UGT1A5: variants seen among roughly 807,000 people sequenced by gnomAD.
UGT1A5 encodes the protein UDP glucuronosyltransferase family 1 member A5.
In UGT1A5, 29 loss-of-function variants were observed where a neutral mutation model predicts 40.3. The ratio of observed to expected loss-of-function variants is 0.72; its 90% confidence interval spans 0.54 to 0.98. UGT1A5 has a LOEUF of 0.98. UGT1A5 is among the 50% of genes least tolerant of loss of function. UGT1A5 has a pLI of 0.00. For missense variants in UGT1A5, 678 were observed against 677.9 expected (o/e 1.00, Z 0.00); for synonymous variants, 257 against 262.5 (o/e 0.98, Z 0.20).
Position 233,713,160 on chromosome 2 carries a change from C to T in UGT1A5, c.169C>T (p.Gln57Ter), listed in dbSNP as rs2076285885. ...ALRDLHARGH[Q>*]VVVLTLEVNM... is the part of the protein sequence containing the mutation. Reference sequence around the variant, plus strand: ...GCGGGACCTCCATGCGAGAGGCCACCAGGTGGTGGTCCTCACCCTGGAGGT... The same window carrying T: ...GCGGGACCTCCATGCGAGAGGCCACTAGGTGGTGGTCCTCACCCTGGAGGT... Residue 57 changes from glutamine to a stop codon, truncating the protein, a stop_gained, in exon 1 of 5, where the codon CAG (glutamine) becomes TAG (stop). Coordinates refer to ENST00000373414, the MANE Select transcript of UGT1A5 (RefSeq NM_019078.2). LOFTEE classifies it high-confidence loss of function. 1 of 1,614,074 alleles carries T rather than the reference C, an allele frequency of 6.2e-7. No individual in the cohort carries two copies.
chr2:233,772,756 T>A lies in UGT1A5; in HGVS notation c.*197T>A. On this transcript the variant is annotated 3_prime_UTR_variant, in exon 5 of 5. Transcript: ENST00000373414. The stretch of plus-strand genomic sequence containing the variant: ...TAGTCAGTAAAGATATTTGAATATG[T>A]ATCGTGCCCCCTCTGGTGTCTTTGA... The A allele has an allele frequency of 1.4e-6, 2 of 1,401,856 alleles. No homozygotes were observed. Among genetic ancestry groups the A allele is most frequent in the Non-Finnish European group, 1.9e-6 (2 of 1,069,170 alleles). 86.8% of individuals were successfully genotyped at this position (1,401,856 alleles called of 1,614,324 possible). A position where few individuals can be genotyped will look rare whatever the true frequency, so the allele number is the denominator to read the frequency against.
In UGT1A5 at chr2:233,713,686, C is replaced by T. The variant is rs779646185; in HGVS notation, c.695C>T (p.Ala232Val). ...TGCCATGCTGTTTCTGCTCCTTATG[C>T]AAGCCTTGCCTCTGAGCTTTTTCAG... ...YLCHAVSAPY[A>V]SLASELFQRE... Residue 232 changes from alanine to valine, a missense_variant, in exon 1 of 5, where the codon GCA (alanine) becomes GTA (valine). By Grantham distance (64) the Ala-to-Val change is moderately conservative. Transcript: ENST00000373414. The T allele has an allele frequency of 1.2e-6, 2 of 1,611,180 alleles. No homozygotes were observed. Among genetic ancestry groups the T allele is most frequent in the South Asian group, 1.1e-5 (1 of 89,040 alleles).
In UGT1A5 at chr2:233,767,104, C is replaced by T. The variant is rs1699318263; in HGVS notation, c.938C>T (p.Ser313Leu). The part of the protein sequence containing the change: ...IVVFSLGSMV[S>L]EIPEKKAMAI... ...GTTTTCTCTTTGGGATCAATGGTCT[C>T]AGAAATTCCAGAGAAGAAAGCTATG... The change falls in exon 2 of 5, where the codon TCA becomes TTA. Residue 313 changes from serine to leucine, a missense_variant. Ser to Leu is a moderately radical substitution (Grantham distance 145). Coordinates refer to ENST00000373414, the MANE Select transcript of UGT1A5 (RefSeq NM_019078.2). 6.2e-7 allele frequency: 1 copy of T among 1,614,114 alleles called. No individual in the cohort carries two copies. The highest frequency in any genetic ancestry group is 8.5e-7 in the Non-Finnish European group (1 of 1,180,014).
intron 1 of UGT1A5, among the ~76,000 whole-genome samples, chr2:233,720,116 C>G (rs1194928036): frequency 6.6e-6 from 1 of 152,088 alleles, no homozygotes; most frequent in African/African-American, 2.4e-5. Flanking sequence ...GCGAAAGATA[C>G]AGAGGTGACC....
At chr2:233,745,026 A>G (rs1010617743) in intron 1 of UGT1A5, among the ~76,000 whole-genome samples, 2 of 151,918 alleles carry the variant, frequency 1.3e-5, no homozygotes, top group Non-Finnish European at 2.9e-5. Flanking sequence ...TGCTATGTAA[A>G]TAGTTGTTTT....
At chr2:233,745,643 G>C (rs1290211026) in intron 1 of UGT1A5, among the ~76,000 whole-genome samples, 1 of 151,416 alleles carries the variant, frequency 6.6e-6, no homozygotes, top group African/African-American at 2.4e-5. Context: ...CTGGCCGAGG[G>C]TAGAGTTCAG....
intron 1 of UGT1A5, among the ~76,000 whole-genome samples, chr2:233,757,362 A>G (rs970680016): frequency 6.6e-6 from 1 of 151,228 alleles, no homozygotes; most frequent in Non-Finnish European, 1.5e-5. Context: ...AGACAGTGGT[A>G]GAAACATCCA....
intron 1 of UGT1A5, chr2:233,760,250 G>GT: frequency 6.2e-7 from 1 of 1,601,220 alleles, no homozygotes; most frequent in Non-Finnish European, 8.5e-7. Flanking sequence ...ATATATATAA[G>GT]TAGGAGAGGG....
intron 1 of UGT1A5, among the ~76,000 whole-genome samples, chr2:233,726,762 C>T (rs2077560104): frequency 6.6e-6 from 1 of 152,196 alleles, no homozygotes; most frequent in Non-Finnish European, 1.5e-5. Flanking sequence ...CTACCACAGA[C>T]ACTAAGCTTA....
chr2:233,754,390 C>G, intron 1 of UGT1A5: 1 of 303,204 alleles, frequency 3.3e-6, no homozygotes, highest in Admixed American at 4.5e-5. Flanking sequence ...AACAGAGGTC[C>G]TATCCGTGCA....
intron 1 of UGT1A5, chr2:233,741,799 G>A (rs1253457401): frequency 3.3e-5 from 5 of 151,906 alleles, no homozygotes; most frequent in African/African-American, 1.2e-4. Flanking sequence ...TTACCAGCAT[G>A]CTGCTCTTAA....
chr2:233,724,560 G>GCA (rs2077282425), intron 1 of UGT1A5, among the ~76,000 whole-genome samples: 1 of 129,456 alleles, frequency 7.7e-6, no homozygotes, highest in Non-Finnish European at 1.6e-5. Context: ...CATCCCAGAT[G>GCA]GGGCGGCGGG....
At chr2:233,749,249 T>C (rs1694152253) in intron 1 of UGT1A5, among the ~76,000 whole-genome samples, 1 of 151,932 alleles carries the variant, frequency 6.6e-6, no homozygotes, top group Non-Finnish European at 1.5e-5. Flanking sequence ...AACCACATGA[T>C]TTTTTTATTG....
chr2:233,729,222 G>A (rs778525530), intron 1 of UGT1A5: 3 of 1,614,150 alleles, frequency 1.9e-6, no homozygotes, highest in Middle Eastern at 1.7e-4. Flanking sequence ...GAAAGGTGTT[G>A]GTGGTGCCCA....
intron 1 of UGT1A5, among the ~76,000 whole-genome samples, chr2:233,716,010 A>T (rs1320740182): frequency 6.6e-6 from 1 of 152,160 alleles, no homozygotes; most frequent in Non-Finnish European, 1.5e-5. Flanking sequence ...AATGACTTTA[A>T]TCTGATAGTT....
chr2:233,722,001 G>C, intron 1 of UGT1A5: 1 of 262,504 alleles, frequency 3.8e-6, no homozygotes. Context: ...TGTCCTTTAA[G>C]TGAACAGGAA....
chr2:233,719,211 C>T, intron 1 of UGT1A5: 2 of 1,614,194 alleles, frequency 1.2e-6, no homozygotes, highest in Non-Finnish European at 1.7e-6. Flanking sequence ...TTGTGTGGAG[C>T]TACTGCATAA....
At chr2:233,746,140 G>A (rs779278440) in intron 1 of UGT1A5, among the ~76,000 whole-genome samples, 6 of 151,874 alleles carry the variant, frequency 4.0e-5, no homozygotes, top group Non-Finnish European at 8.8e-5. Context: ...TGGCACCTGA[G>A]TGATAGCATG....
chr2:233,725,828 G>A (rs372072402), intron 1 of UGT1A5, among the ~76,000 whole-genome samples: 8 of 152,124 alleles, frequency 5.3e-5, no homozygotes, highest in Middle Eastern at 3.4e-3. Flanking sequence ...TACCAGTATT[G>A]CTACTCCTAT....
Sources: gnomAD v4.1 joint callset for allele counts (sites outside exome capture counted in the v4.1 genomes callset) on GRCh38, gnomAD v4.1.1 for gene constraint, MANE v1.5 for transcripts, NCBI Gene and HGNC (gene_info 2026-07-23, HGNC 2026-07-21) for gene names.